The following OCA2 variants were observed in gnomAD, a reference collection of about 807,000 sequenced individuals.
The protein encoded by OCA2 is OCA2 melanosomal transmembrane protein.
Under a neutral mutation model 100.2 loss-of-function variants are expected in OCA2, and 77 were observed. The ratio of observed to expected loss-of-function variants is 0.77; its 90% CI spans 0.64 to 0.93. The LOEUF (loss-of-function observed/expected upper bound fraction) is 0.93. Among genes scored for constraint, OCA2 ranks in the 40% least tolerant of loss-of-function variants. The probability of loss-of-function intolerance (pLI) is 0.00; values close to 1 mark genes in which losing one functional copy is unlikely to be tolerated. For missense variants in OCA2, 1,062 were observed against 1,089.1 expected, an observed-to-expected ratio of 0.98 and a Z score of 0.35; for synonymous variants, 432 against 439.2, an observed-to-expected ratio of 0.98 and a Z score of 0.21.
intron 23 of OCA2, among the ~76,000 whole-genome samples, chr15:27,783,650 C>A (rs942466174): frequency 2.6e-5 from 4 of 152,186 alleles, no homozygotes; most frequent in African/African-American, 9.7e-5. Context: ...TTGGCAAAGG[C>A]TAGATGTGAA....
intron 18 of OCA2, among the ~76,000 whole-genome samples, chr15:27,933,296 GA>G (rs964369942): frequency 8.9e-6 from 1 of 112,918 alleles, no homozygotes; most frequent in African/African-American, 3.3e-5. Flanking sequence ...CAGCAAAAGT[GA>G]AAAAAAGCAG....
chr15:27,789,412 C>T lies in OCA2; in HGVS notation c.2433-33940G>A, dbSNP rs375481163. On this transcript the variant is annotated intron_variant, in intron 23 of 23. Coordinates refer to ENST00000354638, the MANE Select transcript of OCA2 (RefSeq NM_000275.3). ...AAATTCTTTCTTGAGTTTGTATCTT[C>T]GTTTCAACATTTTAAATGTCATACT... 1.2e-3 allele frequency among the ~76,000 whole-genome samples: 184 copies of T among 152,202 alleles called. 1 individual carries two copies. Among genetic ancestry groups the T allele is most frequent in the African/African-American group, 4.3e-3 (180 of 41,540 alleles).
At chr15:27,882,877 C>T (rs1475586788) in intron 19 of OCA2, among the ~76,000 whole-genome samples, 1 of 152,142 alleles carries the variant, frequency 6.6e-6, no homozygotes, top group Admixed American at 6.5e-5. Context: ...CTAAGCCTTG[C>T]CATCTTGCTT....
chr15:27,822,360 T>C (rs1243139289), intron 23 of OCA2, among the ~76,000 whole-genome samples: 1 of 152,210 alleles, frequency 6.6e-6, no homozygotes, highest in East Asian at 1.9e-4. Context: ...CTGCTATATA[T>C]TGTATATCTA....
chr15:27,731,354 G>C, the OCA2 span, among the ~76,000 whole-genome samples: 1 of 152,098 alleles, frequency 6.6e-6, no homozygotes, highest in Non-Finnish European at 1.5e-5. Context: ...ATACTATTAA[G>C]CAAGAACAGC....
At chr15:27,961,500 G>A (rs989309698) in intron 15 of OCA2, among the ~76,000 whole-genome samples, 21 of 152,226 alleles carry the variant, frequency 1.4e-4, no homozygotes, top group African/African-American at 3.4e-4. Context: ...ACATGCACAC[G>A]TATGCTTATT....
intron 19 of OCA2, among the ~76,000 whole-genome samples, chr15:27,878,208 T>C (rs1326261982): frequency 6.6e-6 from 1 of 151,970 alleles, no homozygotes; most frequent in Non-Finnish European, 1.5e-5. Flanking sequence ...CACCAGACAA[T>C]ATTATAATTT....
intron 2 of OCA2, among the ~76,000 whole-genome samples, chr15:28,042,643 GTAAATAAATAAATAA>G (rs1566832842): frequency 6.6e-6 from 1 of 150,806 alleles, no homozygotes; most frequent in Non-Finnish European, 1.5e-5. Flanking sequence ...CTGTCTCAAA[GTAAATAAATAAATAA>G]TAAATAAATA....
intron 9 of OCA2, among the ~76,000 whole-genome samples, chr15:28,005,459 C>T (rs566554794): frequency 6.6e-6 from 1 of 152,302 alleles, no homozygotes; most frequent in South Asian, 2.1e-4. Context: ...TGCGCTACAT[C>T]CTACATCGAG....
intron 4 of OCA2, 72 bp from the exon 5 acceptor site, chr15:28,024,974 C>A (rs922929344): frequency 1.4e-6 from 2 of 1,385,434 alleles, no homozygotes; most frequent in Non-Finnish European, 2.0e-6. Context: ...CACTTTTCTG[C>A]AGCCTTGAGT....
At chr15:27,739,579 G>A in the OCA2 span, among the ~76,000 whole-genome samples, 2 of 151,158 alleles carry the variant, frequency 1.3e-5, no homozygotes, top group Non-Finnish European at 2.9e-5. Flanking sequence ...CCGAGTAGCT[G>A]GAACTACAGG....
At chr15:27,960,583 C>T (rs1052276169) in intron 15 of OCA2, among the ~76,000 whole-genome samples, 1 of 149,430 alleles carries the variant, frequency 6.7e-6, no homozygotes, top group Admixed American at 6.6e-5. Context: ...TCATAAAACA[C>T]CATTTGCTCT....
chr15:28,031,552 G>T (rs1464298715), intron 3 of OCA2, among the ~76,000 whole-genome samples: 2 of 152,236 alleles, frequency 1.3e-5, no homozygotes, highest in South Asian at 4.1e-4. Flanking sequence ...GCCCAAAAAG[G>T]ACCTGCAAGT....
intron 19 of OCA2, among the ~76,000 whole-genome samples, chr15:27,903,130 C>A (rs1395138989): frequency 6.6e-6 from 1 of 152,242 alleles, no homozygotes; most frequent in Non-Finnish European, 1.5e-5. Context: ...CGCCCCCTCT[C>A]CCCTGGGCTG....
downstream of OCA2, among the ~76,000 whole-genome samples, chr15:27,751,350 T>G (rs192869002): frequency 6.6e-6 from 1 of 152,122 alleles, no homozygotes; most frequent in Non-Finnish European, 1.5e-5. Flanking sequence ...TTGTTTCCTA[T>G]TACATGAGGA....
At chr15:27,892,437 A>C (rs1384538772) in intron 19 of OCA2, among the ~76,000 whole-genome samples, 1 of 152,196 alleles carries the variant, frequency 6.6e-6, no homozygotes, top group Non-Finnish European at 1.5e-5. Context: ...CATGGAAATT[A>C]ACCAACATAC....
chr15:27,913,875 G>GAAAGAAAGAA (rs2038522674), intron 19 of OCA2, among the ~76,000 whole-genome samples: 5 of 52,648 alleles, frequency 9.5e-5, no homozygotes, highest in Admixed American at 4.8e-4. Context: ...AAGAAAGAAA[G>GAAAGAAAGAA]AAAGAAAGAA....
At chr15:27,722,186 C>T in the OCA2 span, among the ~76,000 whole-genome samples, 7 of 152,196 alleles carry the variant, frequency 4.6e-5, no homozygotes, top group African/African-American at 7.2e-5. Flanking sequence ...CTGTATCCGC[C>T]GTACTGGCCT....
chr15:27,726,030 C>T, the OCA2 span, among the ~76,000 whole-genome samples: 10 of 152,000 alleles, frequency 6.6e-5, no homozygotes, highest in African/African-American at 2.4e-4. Flanking sequence ...GGCACAGTGG[C>T]TCATGCCTGT....
Sources: gnomAD v4.1 joint callset for allele counts (sites outside exome capture counted in the v4.1 genomes callset) on GRCh38, gnomAD v4.1.1 for gene constraint, MANE v1.5 for transcripts, NCBI Gene and HGNC (gene_info 2026-07-23, HGNC 2026-07-21) for gene names.